Variants in FADS6 observed in about 807,000 individuals in gnomAD.
FADS6 encodes fatty acid desaturase domain family, member 6.
A neutral mutation model predicts 31.7 loss-of-function variants in FADS6; 28 were observed. The observed-to-expected ratio is 0.88, with a 90% CI of 0.66 to 1.21. The LOEUF (loss-of-function observed/expected upper bound fraction) is 1.21, where lower values mean the gene tolerates loss of function less well. Among genes scored for constraint, FADS6 ranks in the 50% most tolerant of loss-of-function variants. FADS6 has a pLI of 0.00. For missense variants in FADS6, 494 were observed against 504.2 expected (o/e 0.98, Z 0.19); for synonymous variants, 191 against 213.1 (o/e 0.90, Z 0.90).
In FADS6 at chr17:74,893,436, C is replaced by T. The variant is rs1179075461; in HGVS notation, c.160G>A (p.Asp54Asn). The stretch of plus-strand genomic sequence containing the variant: ...CACCAGGAGCTCGTCCTCACCACGT[C>T]CTGCACCAGCACCTCCAGCTCCCGC... ...LLRELEVLVQ[D>N]VVRTSSWWER... Residue 54 changes from aspartate to asparagine, a missense_variant, in exon 1 of 6, where the codon GAC becomes AAC. This residue lies in a region of FADS6 where 454 missense variants were observed against 438.5 expected (regional missense o/e 1.04). Coordinates refer to ENST00000612771, the MANE Select transcript of FADS6 (RefSeq NM_178128.6). 3 of 1,582,860 alleles carry T rather than the reference C, an allele frequency of 1.9e-6. No homozygotes were observed. Among genetic ancestry groups the T allele is most frequent in the Middle Eastern group, 1.7e-4 (1 of 5,992 alleles).
chr17:74,877,863 C>T lies in FADS6; in HGVS notation c.*468G>A. 1 of 987,564 alleles carries T rather than the reference C, an allele frequency of 1.0e-6. No homozygotes were observed. The highest frequency in any genetic ancestry group is 1.2e-6 in the Non-Finnish European group (1 of 831,490). The allele number at this position is 987,564 out of a possible 1,614,324, so 61.2% of individuals were successfully genotyped here. ...GGAGAGGGCACCTTGGTGGGCAGAGCCTGAAGGAAGCAATAGCCAAGGCCG... is the reference window on the plus strand; with the variant it reads ...GGAGAGGGCACCTTGGTGGGCAGAGTCTGAAGGAAGCAATAGCCAAGGCCG... On this transcript the variant is annotated 3_prime_UTR_variant, in exon 6 of 6. Transcript: ENST00000612771.
chr17:74,881,568 G>A (rs1367852259), intron 3 of FADS6, among the ~76,000 whole-genome samples: 6 of 151,704 alleles, frequency 4.0e-5, no homozygotes, highest in African/African-American at 1.2e-4. Flanking sequence ...GCGTCGTGGC[G>A]CACACCTGTG....
intron 2 of FADS6, among the ~76,000 whole-genome samples, chr17:74,888,140 A>ACGCGCG (rs1425081128): frequency 1.8e-5 from 2 of 111,320 alleles, no homozygotes; most frequent in African/African-American, 4.2e-5. Flanking sequence ...ACACACACAC[A>ACGCGCG]CACACACACA....
chr17:74,882,976 C>A, intron 2 of FADS6: 2 of 802,850 alleles, frequency 2.5e-6, no homozygotes, highest in Non-Finnish European at 3.7e-6. Flanking sequence ...CCTGGAGTGC[C>A]AATCTGCCAG....
chr17:74,893,324 C>G, intron 1 of FADS6, 28 bp downstream of exon 1: 1 of 1,501,358 alleles, frequency 6.7e-7, no homozygotes, highest in Non-Finnish European at 8.8e-7. Context: ...GCAGCCCGGC[C>G]GGGACGCCGG....
chr17:74,890,169 G>A (rs1414540471), intron 2 of FADS6, among the ~76,000 whole-genome samples: 1 of 152,196 alleles, frequency 6.6e-6, no homozygotes, highest in East Asian at 1.9e-4. Context: ...GGCTTCAAAG[G>A]CTGGTCTTGA....
At chr17:74,892,963 T>G (rs966966489) in intron 1 of FADS6, among the ~76,000 whole-genome samples, 4 of 151,990 alleles carry the variant, frequency 2.6e-5, no homozygotes, top group African/African-American at 7.3e-5. Context: ...CCATGGGTGT[T>G]CCAGACCAGG....
chr17:74,887,059 CT>C (rs11385853), intron 2 of FADS6, among the ~76,000 whole-genome samples: 68,322 of 113,708 alleles, frequency 0.6, 19,536 homozygotes, highest in South Asian at 0.66. Context: ...ACACTCCAGT[CT>C]TTTTTTTTTT....
At chr17:74,883,689 T>C (rs906478851) in intron 2 of FADS6, among the ~76,000 whole-genome samples, 5 of 152,122 alleles carry the variant, frequency 3.3e-5, no homozygotes, top group African/African-American at 1.2e-4. Context: ...TGAGATGGAG[T>C]CTCGCTCTGT....
At chr17:74,880,704 G>A (rs373410023) in intron 4 of FADS6, among the ~76,000 whole-genome samples, 2 of 152,188 alleles carry the variant, frequency 1.3e-5, no homozygotes, top group Admixed American at 6.5e-5. Context: ...GGGGGTGGTC[G>A]GGAGGGGACC....
intron 2 of FADS6, among the ~76,000 whole-genome samples, chr17:74,890,700 G>A (rs1013064175): frequency 1.2e-4 from 18 of 152,088 alleles, no homozygotes; most frequent in Non-Finnish European, 1.9e-4. Context: ...GGCTTACGGG[G>A]ACAAGACAGC....
chr17:74,893,409 C>A lies in FADS6; in HGVS notation c.187G>T (p.Glu63Ter), dbSNP rs1567930920. ...QDVVRTSSWW[E>*]RHGVDCAILA... ...ATGGCGCAGTCCACGCCGTGGCGCT[C>A]CCACCAGGAGCTCGTCCTCACCACG... Residue 63 changes from glutamate to a stop codon, truncating the protein, a stop_gained, in exon 1 of 6, where the codon GAG (glutamate) becomes TAG (stop). Transcript: ENST00000612771. LOFTEE classifies it high-confidence loss of function. 2 of 1,553,306 alleles carry A rather than the reference C, an allele frequency of 1.3e-6. No homozygotes were observed. The highest frequency in any genetic ancestry group is 1.7e-6 in the Non-Finnish European group (2 of 1,151,436).
At chr17:74,878,631 G>A (rs1247736032) in intron 5 of FADS6, among the ~76,000 whole-genome samples, 154 bp from the exon 6 acceptor site, 2 of 152,218 alleles carry the variant, frequency 1.3e-5, no homozygotes, top group Admixed American at 1.3e-4. Flanking sequence ...TTAAGTCAGA[G>A]AATTCTTGTC....
chr17:74,881,306 C>T, intron 3 of FADS6, 51 bp from the exon 4 acceptor site: 1 of 1,503,130 alleles, frequency 6.7e-7, no homozygotes, highest in Non-Finnish European at 8.9e-7. Context: ...AGGAGGGGCT[C>T]CCTGCTGGCT....
Position 74,891,892 on chromosome 17 carries a change from G to A in FADS6, c.411+631C>T, listed in dbSNP as rs111477811. 3.9e-4 allele frequency among the ~76,000 whole-genome samples: 59 copies of A among 152,266 alleles called. 1 individual carries two copies. The highest frequency in any genetic ancestry group is 1.4e-3 in the African/African-American group (57 of 41,550). Reference sequence around the variant, plus strand: ...ACCATCACCTGGGTGACCAGGCGACGGTCCCCCTGGAAAGGAGGAGGGAGC... The same window carrying A: ...ACCATCACCTGGGTGACCAGGCGACAGTCCCCCTGGAAAGGAGGAGGGAGC... On this transcript the variant is annotated intron_variant, in intron 2 of 5. Transcript: ENST00000612771.
At chr17:74,888,418 G>A (rs1055358198) in intron 2 of FADS6, among the ~76,000 whole-genome samples, 3 of 152,146 alleles carry the variant, frequency 2.0e-5, no homozygotes, top group Non-Finnish European at 4.4e-5. Flanking sequence ...GTTGAACTTA[G>A]GCAACAGCTC....
rs2038645643 is a variant in FADS6, at chr17:74,888,145, CACACA to C, written c.411+4373_411+4377del. On this transcript the variant is annotated intron_variant, in intron 2 of 5. Coordinates refer to ENST00000612771, the MANE Select transcript of FADS6 (RefSeq NM_178128.6). ...GAGACACCACACACACACACACACACACACACACACGCGCGCGCGCGCGCGCGCAG... is the reference window on the plus strand; with the variant it reads ...GAGACACCACACACACACACACACACCACACGCGCGCGCGCGCGCGCGCAG... Among the ~76,000 whole-genome samples the C allele has an allele frequency of 1.8e-3, 200 of 108,794 alleles. 5 individuals carry two copies. Among genetic ancestry groups the C allele is most frequent in the Non-Finnish European group, 6.7e-4 (39 of 57,838 alleles). The allele number at this position is 108,794 out of a possible 152,430, so 71.4% of individuals were successfully genotyped here. A position where few individuals can be genotyped will look rare whatever the true frequency, so the allele number is the denominator to read the frequency against.
intron 4 of FADS6, 33 bp from the exon 5 acceptor site, chr17:74,879,616 C>T (rs750485460): frequency 3.1e-6 from 5 of 1,590,588 alleles, no homozygotes; most frequent in Admixed American, 3.4e-5. Flanking sequence ...GCCGGGCAGC[C>T]TGGACCTCCC....
At chr17:74,892,209 T>C (rs1000453897) in intron 2 of FADS6, among the ~76,000 whole-genome samples, 1 of 152,128 alleles carries the variant, frequency 6.6e-6, no homozygotes, top group Non-Finnish European at 1.5e-5. Context: ...CCCCTCCCTT[T>C]CTGTCTGTGG....
Sources: gnomAD v4.1 joint callset for allele counts (sites outside exome capture counted in the v4.1 genomes callset) on GRCh38, gnomAD v4.1.1 for gene constraint, gnomAD v4.1.1 regional missense constraint, MANE v1.5 for transcripts, NCBI Gene and HGNC (gene_info 2026-07-23, HGNC 2026-07-21) for gene names.